Variants in TBCK observed in about 807,000 individuals in gnomAD.
TBCK encodes TBC domain-containing protein kinase-like protein.
Under a neutral mutation model 113.4 loss-of-function variants are expected in TBCK, and 99 were observed. The ratio of observed to expected loss-of-function variants is 0.87; its 90% confidence interval spans 0.74 to 1.03. The LOEUF (loss-of-function observed/expected upper bound fraction) is 1.03, where lower values mean the gene tolerates loss of function less well. Among genes scored for constraint, TBCK ranks in the 50% least tolerant of loss-of-function variants. The probability of loss-of-function intolerance (pLI) is 0.00; values close to 1 mark genes in which losing one functional copy is unlikely to be tolerated. For missense variants in TBCK, 1,045 were observed against 1,061.3 expected (o/e 0.98, Z 0.21); for synonymous variants, 369 against 370.8 (o/e 1.00, Z 0.05).
At chr4:106,230,610 T>G (rs1053166863) in intron 18 of TBCK, among the ~76,000 whole-genome samples, 164 bp from the exon 19 acceptor site, 3 of 151,876 alleles carry the variant, frequency 2.0e-5, no homozygotes, top group African/African-American at 7.2e-5. Context: ...CCTCTATGCT[T>G]TAAAATAGAA....
chr4:106,235,323 A>C lies in TBCK; in HGVS notation c.1395T>G (p.Val465=), dbSNP rs1280705718. The change falls in exon 15 of 26, where the codon GTT becomes GTG. Residue 465 remains valine, a synonymous_variant. Coordinates refer to ENST00000394708, the MANE Select transcript of TBCK (RefSeq NM_001163435.3). ...AACCTCTCATAAGAGGAGGAATGTC[A>C]ACTCTTGCTTCTTTCCAGATTTGGT... The part of the protein sequence containing the change: ...KKNQIWKEAR[V]DIPPLMRGLT... The C allele has an allele frequency of 2.5e-6, 4 of 1,610,890 alleles. No homozygotes were observed. The African/African-American group carries it at 5.4e-5, about 22-fold the overall frequency.
chr4:106,163,959 TC>T (rs1481870593), intron 23 of TBCK, among the ~76,000 whole-genome samples: 2 of 152,128 alleles, frequency 1.3e-5, no homozygotes, highest in Admixed American at 6.6e-5. Context: ...AATCCAACTA[TC>T]CCTTATTTTC....
At chr4:106,156,998 G>A (rs1749204384) in intron 23 of TBCK, among the ~76,000 whole-genome samples, 1 of 152,140 alleles carries the variant, frequency 6.6e-6, no homozygotes. Context: ...GTCTCAGAGT[G>A]GCATACTACC....
chr4:106,138,410 C>A lies in TBCK; in HGVS notation c.2236-22032G>T, dbSNP rs1247034599. On this transcript the variant is annotated intron_variant, in intron 23 of 25. Coordinates refer to ENST00000394708, the MANE Select transcript of TBCK (RefSeq NM_001163435.3). Reference sequence around the variant, plus strand: ...AAAAGTTAAAAACCAATACATAATACTTAATGACTCCACTGGAGTTTCTAT... The same window carrying A: ...AAAAGTTAAAAACCAATACATAATAATTAATGACTCCACTGGAGTTTCTAT... 1.4e-5 allele frequency among the ~76,000 whole-genome samples: 2 copies of A among 141,420 alleles called. 1 individual carries two copies. The highest frequency in any genetic ancestry group is 5.0e-5 in the African/African-American group (2 of 40,058). The allele number at this position is 141,420 out of a possible 152,430, so 92.8% of individuals were successfully genotyped here. A position where few individuals can be genotyped will look rare whatever the true frequency, so the allele number is the denominator to read the frequency against.
At chr4:106,276,958 T>C (rs1764093056) in intron 3 of TBCK, among the ~76,000 whole-genome samples, 1 of 151,884 alleles carries the variant, frequency 6.6e-6, no homozygotes, top group East Asian at 1.9e-4. Flanking sequence ...AATCTAACAA[T>C]ATGTATGTAG....
chr4:106,301,680 A>C (rs1440758706), intron 2 of TBCK, among the ~76,000 whole-genome samples: 3 of 152,210 alleles, frequency 2.0e-5, no homozygotes, highest in African/African-American at 4.8e-5. Flanking sequence ...TGAAAACATA[A>C]TGTTACTAAA....
chr4:106,249,014 C>T (rs752029272), intron 7 of TBCK, 32 bp from the exon 8 acceptor site: 64 of 1,490,734 alleles, frequency 4.3e-5, no homozygotes, highest in Non-Finnish European at 5.3e-5. Context: ...TGAATAAATG[C>T]TATTTTTCTA....
Position 106,251,902 on chromosome 4 carries a change from T to C in TBCK, c.561A>G (p.Val187=), listed in dbSNP as rs2150065897. The C allele has an allele frequency of 1.2e-6, 2 of 1,610,624 alleles. No homozygotes were observed. Among genetic ancestry groups the C allele is most frequent in the Non-Finnish European group, 1.7e-6 (2 of 1,177,848 alleles). ...CAAATAAAATGATTCCAAGAGACCA[T>C]ACATCTGATTTGGGGCCAGAAGGCA... The part of the protein sequence containing the change: ...KPLPSGPKSD[V]WSLGIILFEL... The change falls in exon 6 of 26, where the codon GTA becomes GTG. Residue 187 remains valine, a synonymous_variant. Transcript: ENST00000394708.
At chr4:106,221,081 G>A (rs914286784) in intron 19 of TBCK, among the ~76,000 whole-genome samples, 1 of 152,144 alleles carries the variant, frequency 6.6e-6, no homozygotes, top group African/African-American at 2.4e-5. Context: ...AAAATTACAT[G>A]GCTAATTAAG....
At chr4:106,212,169 T>G (rs1187527194) in intron 20 of TBCK, among the ~76,000 whole-genome samples, 2 of 152,160 alleles carry the variant, frequency 1.3e-5, no homozygotes, top group African/African-American at 4.8e-5. Context: ...TATTTTTAAT[T>G]GATAAGTAAT....
chr4:106,067,812 G>T (rs1435658316), intron 25 of TBCK, among the ~76,000 whole-genome samples: 1 of 152,026 alleles, frequency 6.6e-6, no homozygotes, highest in Non-Finnish European at 1.5e-5. Flanking sequence ...AGACGTGAGG[G>T]TTTATTTCTG....
chr4:106,143,846 A>G (rs924523206), intron 23 of TBCK, among the ~76,000 whole-genome samples: 3 of 151,772 alleles, frequency 2.0e-5, no homozygotes, highest in Non-Finnish European at 4.4e-5. Flanking sequence ...CCCAGGAGGC[A>G]GAGGTTGCAG....
chr4:106,112,947 T>G (rs905201280), intron 24 of TBCK, among the ~76,000 whole-genome samples: 2 of 152,180 alleles, frequency 1.3e-5, no homozygotes, highest in African/African-American at 4.8e-5. Flanking sequence ...TCCCTCCTTA[T>G]ACAGGTGTTA....
intron 23 of TBCK, among the ~76,000 whole-genome samples, chr4:106,121,161 A>G (rs1744305718): frequency 6.6e-6 from 1 of 152,242 alleles, no homozygotes; most frequent in South Asian, 2.1e-4. Context: ...TAGGCTCAAA[A>G]TAAAAGGATG....
intron 15 of TBCK, among the ~76,000 whole-genome samples, chr4:106,234,269 T>C (rs1214126361): frequency 1.3e-5 from 2 of 152,140 alleles, no homozygotes; most frequent in African/African-American, 2.4e-5. Context: ...TCTTGAACTT[T>C]AGCATTATAT....
chr4:106,308,365 G>C (rs1767767141), intron 2 of TBCK, among the ~76,000 whole-genome samples: 1 of 152,178 alleles, frequency 6.6e-6, no homozygotes, highest in Admixed American at 6.5e-5. Flanking sequence ...AGATTGCAGG[G>C]AATGGAGCAT....
intron 5 of TBCK, among the ~76,000 whole-genome samples, chr4:106,259,514 AAAAAC>A (rs1323251485): frequency 6.6e-6 from 1 of 151,974 alleles, no homozygotes; most frequent in Non-Finnish European, 1.5e-5. Context: ...GGTCATGTAA[AAAAAC>A]AAAGTCCTTC....
chr4:106,197,403 G>GTATA (rs1482373580), intron 20 of TBCK, among the ~76,000 whole-genome samples: 8 of 110,928 alleles, frequency 7.2e-5, no homozygotes, highest in African/African-American at 2.0e-4. Flanking sequence ...GTGTGTGTGT[G>GTATA]TGTGTGTGTA....
chr4:106,212,990 T>A (rs1283235789), intron 19 of TBCK, among the ~76,000 whole-genome samples, 155 bp from the exon 20 acceptor site: 1 of 152,232 alleles, frequency 6.6e-6, no homozygotes, highest in East Asian at 1.9e-4. Flanking sequence ...TTTAATTACT[T>A]ACTGCTAATT....
Sources: allele counts gnomAD v4.1 joint callset (sites outside exome capture counted in the v4.1 genomes callset), GRCh38; gene constraint gnomAD v4.1.1; transcripts MANE v1.5; gene names NCBI Gene and HGNC (gene_info 2026-07-23, HGNC 2026-07-21).